The following ZNF846 variants were observed in gnomAD, a reference collection of about 807,000 sequenced individuals.
The protein encoded by ZNF846 is zinc finger protein 420 pseudogene.
In ZNF846, 15 loss-of-function variants were observed where a neutral mutation model predicts 16.0. The observed-to-expected ratio is 0.94, with a 90% CI of 0.63 to 1.45. The LOEUF (loss-of-function observed/expected upper bound fraction) is 1.45, where lower values mean the gene tolerates loss of function less well. ZNF846 is among the 40% of genes most tolerant of loss of function. ZNF846 has a pLI of 0.00. For missense variants in ZNF846, 714 were observed against 622.3 expected (o/e 1.15, Z -1.57); for synonymous variants, 229 against 212.0 (o/e 1.08, Z -0.70).
At chr19:9,762,109 T>C in exon 4 of ZNF846, 1 of 1,614,058 alleles carries the variant, frequency 6.2e-7, no homozygotes, top group Non-Finnish European at 8.5e-7. Flanking sequence ...ACTCCTGTCC[T>C]CAGCTCTTCC....
At chr19:9,782,177 C>T (rs1021871918) in intron 1 of ZNF846, among the ~76,000 whole-genome samples, 1 of 152,132 alleles carries the variant, frequency 6.6e-6, no homozygotes. Flanking sequence ...AAAATAGCTG[C>T]CCCACCAGGA....
chr19:9,751,501 T>C, downstream of ZNF846, among the ~76,000 whole-genome samples: 1 of 152,190 alleles, frequency 6.6e-6, no homozygotes, highest in South Asian at 2.1e-4. Flanking sequence ...CTTTGTGATA[T>C]TCCTTGTCCT....
chr19:9,777,206 C>G (rs2045454987), intron 1 of ZNF846, among the ~76,000 whole-genome samples: 1 of 151,454 alleles, frequency 6.6e-6, no homozygotes, highest in South Asian at 2.1e-4. Context: ...GTGGCTTGCA[C>G]CTGTAATCCC....
Position 9,764,931 on chromosome 19 carries a change from C to T in ZNF846, c.15+5G>A, listed in dbSNP as rs759634981. The T allele has an allele frequency of 4.6e-5, 74 of 1,614,052 alleles. No individual in the cohort carries two copies. Among genetic ancestry groups the T allele is most frequent in the Non-Finnish European group, 5.9e-5 (70 of 1,180,026 alleles). On this transcript the variant is annotated splice_donor_5th_base_variant and intron_variant, in intron 2 of 5. Coordinates refer to ENST00000397902, the Ensembl canonical transcript of ZNF846. ...ATTTTGAAGTTAGGTCTGCTTTCCA[C>T]TTGCCTGAGAAGAATCCATCAGTAA...
chr19:9,785,260 C>G (rs921875442), intron 1 of ZNF846, among the ~76,000 whole-genome samples: 1 of 150,186 alleles, frequency 6.7e-6, no homozygotes, highest in Non-Finnish European at 1.5e-5. Flanking sequence ...TGGAGTGGCC[C>G]GATCTCGGCT....
chr19:9,759,033 C>G (rs745572848), intron 5 of ZNF846, among the ~76,000 whole-genome samples: 2 of 151,738 alleles, frequency 1.3e-5, no homozygotes, highest in Non-Finnish European at 2.9e-5. Flanking sequence ...GATTCTCACT[C>G]TGTCACCCAG....
At chr19:9,764,039 C>T (rs368145764) in intron 2 of ZNF846, among the ~76,000 whole-genome samples, 34 of 152,190 alleles carry the variant, frequency 2.2e-4, no homozygotes, top group Admixed American at 5.9e-4. Context: ...TATGAATGGA[C>T]GTGCAGTCAG....
Position 9,763,272 on chromosome 19 carries a change from C to A in ZNF846, c.142+10G>T. The A allele has an allele frequency of 6.4e-7, 1 of 1,559,424 alleles. No individual in the cohort carries two copies. The highest frequency in any genetic ancestry group is 1.2e-5 in the South Asian group (1 of 82,872). ...TAAAGGGGTCAGTGAAGAAATGATG[C>A]CAGTTTTACCTAGTATAATGAGATT... On this transcript the variant is annotated intron_variant, in intron 3 of 5. Coordinates refer to ENST00000397902, the Ensembl canonical transcript of ZNF846.
chr19:9,785,083 T>G (rs1194333314), intron 1 of ZNF846, among the ~76,000 whole-genome samples: 1 of 152,114 alleles, frequency 6.6e-6, no homozygotes, highest in East Asian at 1.9e-4. Context: ...TATACTGACC[T>G]AACCATAAGA....
chr19:9,757,225 G>T (rs1298571359), downstream of ZNF846, among the ~76,000 whole-genome samples: 1 of 151,494 alleles, frequency 6.6e-6, no homozygotes, highest in Non-Finnish European at 1.5e-5. Context: ...AACAATAGTG[G>T]AAGAAACAAA....
downstream of ZNF846, among the ~76,000 whole-genome samples, chr19:9,757,087 C>T (rs201316571): frequency 4.6e-5 from 7 of 151,202 alleles, no homozygotes; most frequent in East Asian, 7.8e-4. Context: ...CCCAGCTACT[C>T]GGGAGGCTGA....
chr19:9,751,547 T>G (rs1031873629), downstream of ZNF846, among the ~76,000 whole-genome samples: 3 of 152,130 alleles, frequency 2.0e-5, no homozygotes, highest in African/African-American at 7.2e-5. Flanking sequence ...CCCACCCTTG[T>G]GAATGTAATT....
At chr19:9,759,481 T>C (rs2045187258) in intron 5 of ZNF846, among the ~76,000 whole-genome samples, 1 of 151,166 alleles carries the variant, frequency 6.6e-6, no homozygotes, top group South Asian at 2.1e-4. Flanking sequence ...CTCATGCCTG[T>C]AGTCTCAGCT....
At chr19:9,766,543 G>A (rs569740275) in intron 1 of ZNF846, among the ~76,000 whole-genome samples, 4 of 151,920 alleles carry the variant, frequency 2.6e-5, no homozygotes, top group East Asian at 3.9e-4. Context: ...CCTGGCACAC[G>A]TATGCATGTT....
intron 1 of ZNF846, chr19:9,774,706 T>G (rs1185617113): frequency 6.6e-7 from 1 of 1,521,782 alleles, no homozygotes. Flanking sequence ...AGATCACATT[T>G]AAAACAAAGA....
upstream of ZNF846, among the ~76,000 whole-genome samples, chr19:9,771,163 T>C (rs1052553983): frequency 6.6e-6 from 1 of 151,942 alleles, no homozygotes; most frequent in African/African-American, 2.4e-5. Flanking sequence ...GTGCATTCTT[T>C]CTTTCTATCC....
downstream of ZNF846, among the ~76,000 whole-genome samples, chr19:9,753,103 G>A (rs1249458593): frequency 6.6e-6 from 1 of 151,508 alleles, no homozygotes; most frequent in Non-Finnish European, 1.5e-5. Context: ...TCTTCCATGA[G>A]GGGGGTAATC....
rs545016527 is a variant in ZNF846 at position 9,777,668 on chromosome 19, C to CCAAAAAA, written c.-86+8269_-86+8270insTTTTTTG. Reference sequence around the variant, plus strand: ...CCTGGCAACAAAGTGAGACTCTGTCCAAAAAAAAAAATTTAAACAATTGGA... The same window carrying CCAAAAAA: ...CCTGGCAACAAAGTGAGACTCTGTCCCAAAAAAAAAAAAAAAAATTTAAACAATTGGA... On this transcript the variant is annotated intron_variant, in intron 1 of 4. Coordinates refer to the ZNF846 transcript ENST00000586814. 2.4e-4 allele frequency among the ~76,000 whole-genome samples: 35 copies of CCAAAAAA among 143,822 alleles called. 1 individual carries two copies. The highest frequency in any genetic ancestry group is 9.2e-4 in the African/African-American group (35 of 37,914). The allele number at this position is 143,822 out of a possible 152,430, so 94.4% of individuals were successfully genotyped here.
At chr19:9,758,878 C>G in intron 5 of ZNF846, 114 bp from the exon 6 acceptor site, 1 of 898,086 alleles carries the variant, frequency 1.1e-6, no homozygotes, top group East Asian at 2.7e-5. Flanking sequence ...TTTAACATAT[C>G]CATTATATGT....
Sources: allele counts gnomAD v4.1 joint callset (sites outside exome capture counted in the v4.1 genomes callset), GRCh38; gene constraint gnomAD v4.1.1; transcripts MANE v1.5; gene names NCBI Gene and HGNC (gene_info 2026-07-23, HGNC 2026-07-21).